FIGN: variants seen among roughly 807,000 people sequenced by gnomAD.
The protein encoded by FIGN is fidgetin, microtubule severing factor.
A neutral mutation model predicts 51.3 loss-of-function variants in FIGN; 11 were observed. The observed-to-expected ratio is 0.21, with a 90% confidence interval of 0.13 to 0.35. FIGN has a LOEUF of 0.35. FIGN is among the 10% of genes least tolerant of loss of function. The probability of loss-of-function intolerance (pLI) is 1.00; values close to 1 mark genes in which losing one functional copy is unlikely to be tolerated. For synonymous variants in FIGN, 407 were observed against 363.2 expected, an observed-to-expected ratio of 1.12 and a Z score of -1.37; for missense variants, 857 against 943.6, an observed-to-expected ratio of 0.91 and a Z score of 1.20.
chr2:163,676,550 T>C (rs1683974431), intron 2 of FIGN, among the ~76,000 whole-genome samples: 1 of 147,244 alleles, frequency 6.8e-6, no homozygotes, highest in South Asian at 2.2e-4. Flanking sequence ...ACCTCTGAAT[T>C]CTAAAAAGCA....
At chr2:163,731,609 A>G (rs1159714177) in intron 2 of FIGN, among the ~76,000 whole-genome samples, 1 of 152,110 alleles carries the variant, frequency 6.6e-6, no homozygotes, top group East Asian at 1.9e-4. Context: ...CTTAAATATA[A>G]CTAAAGAATA....
At chr2:163,701,517 A>T (rs976597737) in intron 2 of FIGN, among the ~76,000 whole-genome samples, 10 of 152,140 alleles carry the variant, frequency 6.6e-5, no homozygotes, top group African/African-American at 2.4e-4. Flanking sequence ...GAACCTGCGG[A>T]TGGTTCCCTG....
In FIGN at chr2:163,612,271, T is replaced by C. The variant is rs887218608; in HGVS notation, c.26-465A>G. 3.1e-6 allele frequency: 3 copies of C among 974,364 alleles called. No homozygotes were observed. The African/African-American group carries it at 5.3e-5, about 17-fold the overall frequency. 60.4% of individuals were successfully genotyped at this position (974,364 alleles called of 1,614,324 possible). On this transcript the variant is annotated intron_variant, in intron 2 of 2. Coordinates refer to ENST00000333129, the MANE Select transcript of FIGN (RefSeq NM_018086.4). ...TTCTGTCTGTTCACATCACAGTTTG[T>C]TTTACATTTTAAGCAATATAAAAAT...
chr2:163,661,362 C>G (rs1182539779), intron 2 of FIGN, among the ~76,000 whole-genome samples: 1 of 151,778 alleles, frequency 6.6e-6, no homozygotes, highest in Non-Finnish European at 1.5e-5. Flanking sequence ...ATCTCAGCCT[C>G]CCCAGCAGCT....
At chr2:163,697,293 G>A (rs149158984) in intron 2 of FIGN, among the ~76,000 whole-genome samples, 1,567 of 151,480 alleles carry the variant, frequency 0.01, 24 homozygotes, top group African/African-American at 0.036. Flanking sequence ...TAGAGACAGG[G>A]TTTCGCCAAG....
At chr2:163,626,460 A>G (rs542533085) in intron 2 of FIGN, among the ~76,000 whole-genome samples, 4 of 152,314 alleles carry the variant, frequency 2.6e-5, no homozygotes, top group African/African-American at 9.6e-5. Flanking sequence ...AATGTTTTAT[A>G]AAAGAGAATG....
rs1043296992 is a variant in FIGN, at chr2:163,668,024, C to G, written c.26-56218G>C. The stretch of plus-strand genomic sequence containing the variant: ...ACACCCCTACCTCCAACCCCCCCCC[C>G]CAAAAAACCCTCCACAAGTAACAAA... On this transcript the variant is annotated intron_variant, in intron 2 of 2. Transcript: ENST00000333129. Among the ~76,000 whole-genome samples, 8 of 149,376 alleles carry G rather than the reference C, an allele frequency of 5.4e-5. 1 individual carries two copies. Among genetic ancestry groups the G allele is most frequent in the African/African-American group, 1.8e-4 (7 of 39,662 alleles).
At chr2:163,653,662 T>C (rs1683512428) in intron 2 of FIGN, among the ~76,000 whole-genome samples, 2 of 152,088 alleles carry the variant, frequency 1.3e-5, no homozygotes, top group South Asian at 4.1e-4. Flanking sequence ...AAGTCATCTA[T>C]TTTAAGCATA....
intron 2 of FIGN, among the ~76,000 whole-genome samples, chr2:163,692,312 C>G (rs955782756): frequency 6.6e-5 from 10 of 151,990 alleles, no homozygotes; most frequent in Non-Finnish European, 1.3e-4. Flanking sequence ...GGTGTTGGTC[C>G]CTTTCATAGT....
At chr2:163,626,430 T>C (rs866701346) in intron 2 of FIGN, among the ~76,000 whole-genome samples, 1 of 152,194 alleles carries the variant, frequency 6.6e-6, no homozygotes, top group Non-Finnish European at 1.5e-5. Flanking sequence ...CAAATTTATT[T>C]ATGAATCATG....
At chr2:163,730,633 G>A (rs1684913492) in intron 2 of FIGN, among the ~76,000 whole-genome samples, 1 of 151,972 alleles carries the variant, frequency 6.6e-6, no homozygotes, top group Admixed American at 6.6e-5. Flanking sequence ...ACTAGCTCTT[G>A]TATATCTCAA....
chr2:163,696,395 C>T (rs1356555912), intron 2 of FIGN, among the ~76,000 whole-genome samples: 1 of 152,134 alleles, frequency 6.6e-6, no homozygotes, highest in South Asian at 2.1e-4. Flanking sequence ...AATTAGCAAC[C>T]TATTCTACCT....
At chr2:163,631,976 C>T (rs1338605264) in intron 2 of FIGN, among the ~76,000 whole-genome samples, 9 of 152,058 alleles carry the variant, frequency 5.9e-5, no homozygotes, top group African/African-American at 1.4e-4. Context: ...GGTGAAACCG[C>T]GTCTCTACTA....
intron 2 of FIGN, among the ~76,000 whole-genome samples, chr2:163,653,650 G>C (rs994969799): frequency 9.9e-5 from 15 of 151,984 alleles, no homozygotes; most frequent in Admixed American, 1.3e-4. Context: ...TTTTATATCA[G>C]AAAGTCATCT....
chr2:163,703,663 T>G (rs776257398), intron 2 of FIGN, among the ~76,000 whole-genome samples: 7 of 152,120 alleles, frequency 4.6e-5, no homozygotes, highest in Non-Finnish European at 1.0e-4. Flanking sequence ...GGCTCCTTAC[T>G]GAGGCCTTAA....
chr2:163,675,706 C>CTTTTTT lies in FIGN; in HGVS notation c.25+59191_25+59196dup, dbSNP rs900840520. ...TGAATGTCTTTTCTTTTCTTTCTTTCTTTTTTTTTTTTTTTTTTTTTTTGT... is the reference window on the plus strand; with the variant it reads ...TGAATGTCTTTTCTTTTCTTTCTTTCTTTTTTTTTTTTTTTTTTTTTTTTTTTTTGT... On this transcript the variant is annotated intron_variant, in intron 2 of 2. Coordinates refer to ENST00000333129, the MANE Select transcript of FIGN (RefSeq NM_018086.4). Among the ~76,000 whole-genome samples the CTTTTTT allele has an allele frequency of 1.6e-3, 165 of 100,520 alleles. 1 individual carries two copies. The highest frequency in any genetic ancestry group is 2.1e-3 in the Non-Finnish European group (107 of 51,132). The allele number at this position is 100,520 out of a possible 152,430, so 65.9% of individuals were successfully genotyped here. A position where few individuals can be genotyped will look rare whatever the true frequency, so the allele number is the denominator to read the frequency against.
intron 2 of FIGN, among the ~76,000 whole-genome samples, chr2:163,677,277 C>T (rs1030622520): frequency 6.6e-6 from 1 of 152,212 alleles, no homozygotes; most frequent in Non-Finnish European, 1.5e-5. Context: ...CTAAGCAAGA[C>T]ATGCAAATAG....
At chr2:163,632,466 T>A (rs1056888559) in intron 2 of FIGN, among the ~76,000 whole-genome samples, 1 of 152,206 alleles carries the variant, frequency 6.6e-6, no homozygotes, top group Non-Finnish European at 1.5e-5. Context: ...TTCAACCAGC[T>A]GGCACTTGGC....
intron 2 of FIGN, among the ~76,000 whole-genome samples, chr2:163,721,572 G>A (rs1468528687): frequency 6.6e-6 from 1 of 152,062 alleles, no homozygotes; most frequent in African/African-American, 2.4e-5. Context: ...AAGATGCAGT[G>A]TTTTTATACA....
Sources: gnomAD v4.1 joint callset for allele counts (sites outside exome capture counted in the v4.1 genomes callset) on GRCh38, gnomAD v4.1.1 for gene constraint, MANE v1.5 for transcripts, NCBI Gene and HGNC (gene_info 2026-07-23, HGNC 2026-07-21) for gene names.